Variants in KGD4 observed in about 807,000 individuals in gnomAD.
KGD4 encodes the protein alpha-ketoglutarate dehydrogenase component 4.
the KGD4 span, chr5:69,229,941 T>G: frequency 4.0e-5 from 6 of 151,658 alleles, no homozygotes; most frequent in Middle Eastern, 3.2e-3. Flanking sequence ...TGTAAGGAAG[T>G]CTTGTTTTTT....
chr5:69,226,305 G>C, the KGD4 span: 1 of 1,435,322 alleles, frequency 7.0e-7, no homozygotes. Context: ...TAGTTAATGA[G>C]ATTGTTTTTC....
chr5:69,220,042 CA>C, the KGD4 span, among the ~76,000 whole-genome samples: 3 of 151,840 alleles, frequency 2.0e-5, no homozygotes, highest in Non-Finnish European at 4.4e-5. Context: ...CCAGCCTGGG[CA>C]AAATAGCAAG....
the KGD4 span, among the ~76,000 whole-genome samples, chr5:69,228,706 G>A: frequency 6.6e-6 from 1 of 152,014 alleles, no homozygotes; most frequent in African/African-American, 2.4e-5. Context: ...TCCCTTCCAG[G>A]TCTGAAATTA....
the KGD4 span, among the ~76,000 whole-genome samples, chr5:69,225,622 G>T: frequency 1.4e-5 from 2 of 144,896 alleles, no homozygotes; most frequent in Non-Finnish European, 3.0e-5. Context: ...CCAGGCTAGA[G>T]TGCAGTGGCA....
At chr5:69,217,929 C>G in the KGD4 span, 2 of 1,612,658 alleles carry the variant, frequency 1.2e-6, no homozygotes, top group Non-Finnish European at 1.7e-6. Flanking sequence ...CTGACTATGG[C>G]GACGGCGTCG....
the KGD4 span, among the ~76,000 whole-genome samples, chr5:69,220,182 A>G: frequency 4.5e-4 from 69 of 152,120 alleles, no homozygotes; most frequent in Middle Eastern, 3.4e-3. Context: ...AGCCATAATC[A>G]TGCCACTGCA....
the KGD4 span, among the ~76,000 whole-genome samples, chr5:69,227,278 T>C: frequency 6.6e-6 from 1 of 152,208 alleles, no homozygotes; most frequent in Non-Finnish European, 1.5e-5. Context: ...TCCTATCCTT[T>C]AGAAGATTCT....
At chr5:69,221,090 T>G in the KGD4 span, among the ~76,000 whole-genome samples, 1 of 152,064 alleles carries the variant, frequency 6.6e-6, no homozygotes, top group East Asian at 1.9e-4. Context: ...GAGACCTTTT[T>G]GTTCACGTGT....
At chr5:69,220,162 G>T in the KGD4 span, among the ~76,000 whole-genome samples, 1 of 151,906 alleles carries the variant, frequency 6.6e-6, no homozygotes, top group Non-Finnish European at 1.5e-5. Context: ...GGGTGATCAA[G>T]GCTACAGTGA....
the KGD4 span, chr5:69,226,372 C>T: frequency 1.2e-6 from 2 of 1,609,134 alleles, no homozygotes; most frequent in Admixed American, 1.7e-5. Flanking sequence ...ATAAGGTTTC[C>T]TGACAGAAGA....
At chr5:69,225,671 G>A in the KGD4 span, among the ~76,000 whole-genome samples, 3 of 149,746 alleles carry the variant, frequency 2.0e-5, no homozygotes, top group Non-Finnish European at 3.0e-5. Flanking sequence ...CCGGAGTCCC[G>A]GTTGGTTCAA....
At chr5:69,218,732 C>A in the KGD4 span, among the ~76,000 whole-genome samples, 1 of 152,120 alleles carries the variant, frequency 6.6e-6, no homozygotes, top group Admixed American at 6.6e-5. Flanking sequence ...TGACTTTTAT[C>A]TTTGATATGA....
the KGD4 span, among the ~76,000 whole-genome samples, chr5:69,223,765 A>C: frequency 6.6e-6 from 1 of 152,284 alleles, no homozygotes; most frequent in African/African-American, 2.4e-5. Flanking sequence ...AGTATTCCAA[A>C]AATATGTATT....
the KGD4 span, among the ~76,000 whole-genome samples, chr5:69,228,683 G>A: frequency 1.3e-5 from 2 of 152,108 alleles, no homozygotes; most frequent in Admixed American, 6.6e-5. Context: ...TTTAAGGACA[G>A]GTCAACCTTG....
At chr5:69,227,134 G>A in the KGD4 span, among the ~76,000 whole-genome samples, 19 of 152,104 alleles carry the variant, frequency 1.2e-4, no homozygotes, top group Admixed American at 1.2e-3. Context: ...GCCTCCCAAA[G>A]TGCTGGGATT....
the KGD4 span, among the ~76,000 whole-genome samples, chr5:69,219,761 G>A: frequency 1.3e-5 from 2 of 152,056 alleles, no homozygotes; most frequent in South Asian, 2.1e-4. Flanking sequence ...GGAGTTTGAC[G>A]CTGCAGTGAA....
At chr5:69,217,840 G>C in the KGD4 span, 2 of 1,613,866 alleles carry the variant, frequency 1.2e-6, no homozygotes, top group African/African-American at 1.3e-5. Context: ...ATGATGGGCA[G>C]CAAGATGGCG....
At chr5:69,228,304 C>G in the KGD4 span, 4 of 1,606,796 alleles carry the variant, frequency 2.5e-6, no homozygotes, top group Non-Finnish European at 8.5e-7. Flanking sequence ...TCAGGGTCCA[C>G]CAGACACTGC....
the KGD4 span, among the ~76,000 whole-genome samples, chr5:69,225,516 C>A: frequency 0.15 from 22,875 of 150,972 alleles, 1,854 homozygotes; most frequent in African/African-American, 0.21. Context: ...CCACCTGCCT[C>A]AGCCTTCCAA....
Sources: gnomAD v4.1 joint callset for allele counts (sites outside exome capture counted in the v4.1 genomes callset) on GRCh38, gnomAD v4.1.1 for gene constraint, MANE v1.5 for transcripts, NCBI Gene and HGNC (gene_info 2026-07-23, HGNC 2026-07-21) for gene names.